MACROD2: variants seen among roughly 807,000 people sequenced by gnomAD.
MACROD2 encodes the protein ADP-ribose glycohydrolase MACROD2.
MACROD2 carries 36 observed loss-of-function variants against 70.4 expected under a neutral mutation model. The observed-to-expected ratio is 0.51, with a 90% CI of 0.39 to 0.68. The LOEUF (loss-of-function observed/expected upper bound fraction) is 0.68. MACROD2 is among the 30% of genes least tolerant of loss of function. The pLI is 0.00. For missense variants in MACROD2, 496 were observed against 538.4 expected (o/e 0.92, Z 0.78); for synonymous variants, 172 against 178.8 (o/e 0.96, Z 0.30).
intron 6 of MACROD2, among the ~76,000 whole-genome samples, chr20:15,294,895 G>A (rs2077572467): frequency 6.6e-6 from 1 of 152,164 alleles, no homozygotes; most frequent in Admixed American, 6.5e-5. Flanking sequence ...TCAGGGAGAG[G>A]CAAATTAAAA....
intron 4 of MACROD2, among the ~76,000 whole-genome samples, chr20:14,677,453 T>C (rs903077995): frequency 5.3e-5 from 8 of 152,216 alleles, no homozygotes; most frequent in African/African-American, 1.4e-4. Context: ...TGAAGTCCTC[T>C]GAATTTAGCC....
chr20:14,197,566 G>A (rs2081442929), intron 3 of MACROD2, among the ~76,000 whole-genome samples: 1 of 152,058 alleles, frequency 6.6e-6, no homozygotes, highest in South Asian at 2.1e-4. Flanking sequence ...TTGGGAGTTC[G>A]AGACCAGCCT....
At chr20:14,538,596 A>G (rs947726345) in intron 4 of MACROD2, among the ~76,000 whole-genome samples, 1 of 151,794 alleles carries the variant, frequency 6.6e-6, no homozygotes, top group Non-Finnish European at 1.5e-5. Context: ...TCTACGCATG[A>G]CTCTCTCAGC....
At chr20:14,418,045 C>T (rs1002607143) in intron 3 of MACROD2, among the ~76,000 whole-genome samples, 3 of 152,038 alleles carry the variant, frequency 2.0e-5, no homozygotes, top group African/African-American at 7.2e-5. Context: ...AGCCTCTTAA[C>T]TATAAGCTAA....
At chr20:15,202,786 C>T (rs1412053824) in intron 5 of MACROD2, among the ~76,000 whole-genome samples, 2 of 152,052 alleles carry the variant, frequency 1.3e-5, no homozygotes, top group Non-Finnish European at 2.9e-5. Flanking sequence ...GCTGGAGTTC[C>T]AGCCATCATC....
chr20:14,700,129 A>G (rs2071177725), intron 5 of MACROD2, among the ~76,000 whole-genome samples: 2 of 152,196 alleles, frequency 1.3e-5, no homozygotes, highest in Non-Finnish European at 2.9e-5. Flanking sequence ...CTAGAAGTTT[A>G]AAGTTTAACT....
chr20:14,589,114 G>A (rs1342892840), intron 4 of MACROD2, among the ~76,000 whole-genome samples: 1 of 151,946 alleles, frequency 6.6e-6, no homozygotes, highest in Non-Finnish European at 1.5e-5. Context: ...TGTTTAAATT[G>A]TATTATTTTT....
chr20:14,716,010 A>G (rs2071393243), intron 5 of MACROD2, among the ~76,000 whole-genome samples: 1 of 152,172 alleles, frequency 6.6e-6, no homozygotes, highest in Non-Finnish European at 1.5e-5. Context: ...CTCTGTTGCT[A>G]TGAAAACTTA....
chr20:16,041,308 A>G (rs1178883660), intron 16 of MACROD2, 30 bp downstream of exon 16: 2 of 1,562,788 alleles, frequency 1.3e-6, no homozygotes, highest in South Asian at 2.3e-5. Flanking sequence ...GAGCCCATGG[A>G]AACTACAAAT....
intron 8 of MACROD2, among the ~76,000 whole-genome samples, chr20:15,501,081 C>T (rs1358235182): frequency 6.6e-6 from 1 of 152,202 alleles, no homozygotes. Flanking sequence ...ATTGGAAAGT[C>T]ACAGAGCCAA....
At chr20:14,610,951 C>T (rs1262699762) in intron 4 of MACROD2, among the ~76,000 whole-genome samples, 1 of 152,034 alleles carries the variant, frequency 6.6e-6, no homozygotes, top group African/African-American at 2.4e-5. Flanking sequence ...GCATTGGAGA[C>T]TCATATTAAC....
At chr20:15,630,819 A>AT (rs1249680021) in intron 8 of MACROD2, among the ~76,000 whole-genome samples, 3 of 152,038 alleles carry the variant, frequency 2.0e-5, no homozygotes, top group Admixed American at 6.6e-5. Context: ...TCTCTTATAG[A>AT]TTTTTTCTCA....
At chr20:15,019,158 C>A (rs540054273) in intron 5 of MACROD2, among the ~76,000 whole-genome samples, 1 of 152,018 alleles carries the variant, frequency 6.6e-6, no homozygotes, top group Admixed American at 6.5e-5. Context: ...TCTGAACACA[C>A]ACACACGCGC....
At chr20:15,946,540 C>T (rs1568659739) in intron 12 of MACROD2, among the ~76,000 whole-genome samples, 2 of 152,024 alleles carry the variant, frequency 1.3e-5, no homozygotes, top group African/African-American at 2.4e-5. Context: ...GTTTATAAAC[C>T]TTAAATGTTA....
At chr20:14,345,370 G>A (rs2083053073) in intron 3 of MACROD2, among the ~76,000 whole-genome samples, 1 of 152,158 alleles carries the variant, frequency 6.6e-6, no homozygotes, top group Non-Finnish European at 1.5e-5. Flanking sequence ...AGTATAAAGT[G>A]TTTTAACAGA....
intron 8 of MACROD2, among the ~76,000 whole-genome samples, chr20:15,529,926 A>G (rs2047774609): frequency 6.6e-6 from 1 of 152,232 alleles, no homozygotes; most frequent in African/African-American, 2.4e-5. Flanking sequence ...ACAGACATCA[A>G]CATATGTTCA....
chr20:14,490,159 T>A (rs1021517525), intron 3 of MACROD2, among the ~76,000 whole-genome samples: 3 of 152,200 alleles, frequency 2.0e-5, no homozygotes, highest in African/African-American at 7.2e-5. Flanking sequence ...ACTTTAATAG[T>A]GAGTATTTAT....
In MACROD2 at chr20:14,741,729, A is replaced by T. The variant is rs1436508362; in HGVS notation, c.418+56770A>T. Among the ~76,000 whole-genome samples the T allele has an allele frequency of 2.0e-5, 3 of 152,244 alleles. No individual in the cohort carries two copies. The South Asian group carries it at 6.2e-4, about 32-fold the overall frequency. Reference sequence around the variant, plus strand: ...GTTGTATGATGCTTATAAGGGAATTATTTGGCAAAGAAATATTTTCTTTTT... The same window carrying T: ...GTTGTATGATGCTTATAAGGGAATTTTTTGGCAAAGAAATATTTTCTTTTT... On this transcript the variant is annotated intron_variant, in intron 5 of 17. Coordinates refer to ENST00000684519, the MANE Select transcript of MACROD2 (RefSeq NM_001351661.2).
chr20:15,813,823 A>G (rs1338471495), intron 8 of MACROD2, among the ~76,000 whole-genome samples: 1 of 152,166 alleles, frequency 6.6e-6, no homozygotes, highest in Admixed American at 6.5e-5. Flanking sequence ...AGATGTTTTA[A>G]TAGAGACAGT....
Sources: gnomAD v4.1 joint callset for allele counts (sites outside exome capture counted in the v4.1 genomes callset) on GRCh38, gnomAD v4.1.1 for gene constraint, MANE v1.5 for transcripts, NCBI Gene and HGNC (gene_info 2026-07-23, HGNC 2026-07-21) for gene names.